Variants in FHIT observed in about 807,000 individuals in gnomAD.
FHIT encodes bis(5'-adenosyl)-triphosphatase.
In FHIT, 19 loss-of-function variants were observed where a neutral mutation model predicts 17.9. The observed-to-expected ratio is 1.06, with a 90% CI of 0.74 to 1.56. FHIT has a LOEUF of 1.56. FHIT is among the 40% of genes most tolerant of loss of function. FHIT has a pLI of 0.00. For synonymous variants in FHIT, 81 were observed against 69.7 expected (o/e 1.16, Z -0.81); for missense variants, 248 against 189.2 (o/e 1.31, Z -1.82).
intron 7 of FHIT, among the ~76,000 whole-genome samples, chr3:59,948,440 T>A (rs1272919218): frequency 6.6e-6 from 1 of 151,580 alleles, no homozygotes; most frequent in African/African-American, 2.4e-5. Context: ...TTGCTTGAAT[T>A]TGGGAGGTGG....
intron 5 of FHIT, among the ~76,000 whole-genome samples, chr3:60,128,531 G>A (rs1399768798): frequency 6.6e-6 from 1 of 152,142 alleles, no homozygotes; most frequent in Admixed American, 6.5e-5. Flanking sequence ...GCATGAAAAT[G>A]GACTAATACA....
chr3:61,134,630 C>T (rs1380561622), intron 2 of FHIT, among the ~76,000 whole-genome samples: 2 of 151,996 alleles, frequency 1.3e-5, no homozygotes, highest in Non-Finnish European at 2.9e-5. Context: ...GTTGGGTTGC[C>T]CTGAAGGCAA....
chr3:60,784,219 T>A (rs1278845122), intron 4 of FHIT, among the ~76,000 whole-genome samples: 1 of 152,116 alleles, frequency 6.6e-6, no homozygotes, highest in Admixed American at 6.5e-5. Flanking sequence ...CTGGTGAGAG[T>A]TACATCATTC....
chr3:60,152,238 G>T (rs768023448), intron 5 of FHIT, among the ~76,000 whole-genome samples: 21 of 152,154 alleles, frequency 1.4e-4, no homozygotes, highest in Non-Finnish European at 2.8e-4. Context: ...TTACCTTGAG[G>T]CTGTGTAATA....
intron 5 of FHIT, among the ~76,000 whole-genome samples, chr3:60,355,430 C>T (rs1021144242): frequency 3.1e-4 from 47 of 151,520 alleles, no homozygotes; most frequent in African/African-American, 1.1e-3. Context: ...TTTTGGGTTG[C>T]ATATCAATCC....
intron 2 of FHIT, among the ~76,000 whole-genome samples, chr3:61,108,392 C>A (rs1012802599): frequency 2.0e-5 from 3 of 152,190 alleles, no homozygotes; most frequent in Non-Finnish European, 4.4e-5. Context: ...ACTGTTTGGG[C>A]ACTGGGGAAA....
At chr3:60,588,864 T>C (rs1454100066) in intron 4 of FHIT, among the ~76,000 whole-genome samples, 1 of 152,030 alleles carries the variant, frequency 6.6e-6, no homozygotes, top group African/African-American at 2.4e-5. Flanking sequence ...AAGTGACTTG[T>C]ATATGTGTTG....
chr3:61,233,372 G>A (rs1053339505), intron 1 of FHIT, among the ~76,000 whole-genome samples: 2 of 152,156 alleles, frequency 1.3e-5, no homozygotes, highest in Non-Finnish European at 2.9e-5. Context: ...CCAGTAACAT[G>A]CAACTGTCAA....
chr3:59,925,926 T>G (rs920125363), intron 7 of FHIT, among the ~76,000 whole-genome samples: 1 of 152,220 alleles, frequency 6.6e-6, no homozygotes, highest in Admixed American at 6.5e-5. Flanking sequence ...ACGCTATGAA[T>G]AGCAGAGATG....
intron 5 of FHIT, among the ~76,000 whole-genome samples, chr3:60,398,416 C>A (rs1314307923): frequency 6.6e-6 from 1 of 152,108 alleles, no homozygotes; most frequent in African/African-American, 2.4e-5. Context: ...AAGAAACTAA[C>A]TAGATGAGAA....
intron 5 of FHIT, among the ~76,000 whole-genome samples, chr3:60,487,967 G>A (rs1363492423): frequency 6.6e-6 from 1 of 152,130 alleles, no homozygotes; most frequent in Non-Finnish European, 1.5e-5. Flanking sequence ...TAAATGCCAA[G>A]TATTAAAGGT....
At chr3:61,218,545 T>A (rs139730108) in intron 1 of FHIT, among the ~76,000 whole-genome samples, 2 of 151,982 alleles carry the variant, frequency 1.3e-5, no homozygotes, top group East Asian at 3.9e-4. Context: ...GGTTTGTTTG[T>A]ATAGTTTTTA....
chr3:60,853,713 T>C (rs1221193491), intron 3 of FHIT, among the ~76,000 whole-genome samples: 12 of 152,160 alleles, frequency 7.9e-5, no homozygotes, highest in Admixed American at 2.6e-4. Flanking sequence ...CTGCTTCATT[T>C]CATCTTTTAT....
At chr3:60,068,714 A>T (rs1462720829) in intron 5 of FHIT, among the ~76,000 whole-genome samples, 1 of 152,198 alleles carries the variant, frequency 6.6e-6, no homozygotes, top group East Asian at 1.9e-4. Context: ...CTCAAATAAA[A>T]AGCTGCCAAG....
At chr3:61,089,110 G>C (rs149364025) in intron 2 of FHIT, among the ~76,000 whole-genome samples, 1 of 152,116 alleles carries the variant, frequency 6.6e-6, no homozygotes, top group East Asian at 1.9e-4. Flanking sequence ...TTTTGAGCAG[G>C]GAAAAAAATT....
chr3:60,004,991 G>A (rs1699866839), intron 7 of FHIT, among the ~76,000 whole-genome samples: 1 of 152,142 alleles, frequency 6.6e-6, no homozygotes, highest in Non-Finnish European at 1.5e-5. Flanking sequence ...ATGAATGAAT[G>A]TGGGGGAGCT....
Position 59,945,086 on chromosome 3 carries a change from G to A in FHIT, c.280-22672C>T, listed in dbSNP as rs140208067. On this transcript the variant is annotated intron_variant, in intron 7 of 9. Transcript: ENST00000492590. Reference sequence around the variant, plus strand: ...CTGAATAGTAGTTCTGTATTAAGTTGAGAAATTGCCAAACAACCTTCCACA... The same window carrying A: ...CTGAATAGTAGTTCTGTATTAAGTTAAGAAATTGCCAAACAACCTTCCACA... Among the ~76,000 whole-genome samples the A allele has an allele frequency of 2.8e-3, 432 of 152,228 alleles. 1 individual carries two copies. The highest frequency in any genetic ancestry group is 0.01 in the Middle Eastern group (3 of 294).
At chr3:60,795,131 T>C (rs1700931997) in intron 4 of FHIT, among the ~76,000 whole-genome samples, 1 of 152,226 alleles carries the variant, frequency 6.6e-6, no homozygotes, top group African/African-American at 2.4e-5. Context: ...CTTCATGTGT[T>C]TTGTAGATTG....
At chr3:61,043,135 T>C (rs1173325984) in intron 2 of FHIT, among the ~76,000 whole-genome samples, 1 of 152,100 alleles carries the variant, frequency 6.6e-6, no homozygotes, top group Non-Finnish European at 1.5e-5. Flanking sequence ...CCATGGAGTG[T>C]GAGCCAAAGC....
Sources: allele counts gnomAD v4.1 joint callset (sites outside exome capture counted in the v4.1 genomes callset), GRCh38; gene constraint gnomAD v4.1.1; transcripts MANE v1.5; gene names NCBI Gene and HGNC (gene_info 2026-07-23, HGNC 2026-07-21).